HSP90AA1: variants seen among roughly 807,000 people sequenced by gnomAD.
HSP90AA1 encodes the protein heat shock protein HSP 90-alpha.
In HSP90AA1, 18 loss-of-function variants were observed where a neutral mutation model predicts 73.3. That is an observed-to-expected ratio of 0.25 (90% confidence interval 0.17 to 0.36). The LOEUF is 0.36. Among genes scored for constraint, HSP90AA1 ranks in the 10% least tolerant of loss-of-function variants. The pLI is 1.00. For missense variants in HSP90AA1, 704 were observed against 874.2 expected, an observed-to-expected ratio of 0.81 and a Z score of 2.45; for synonymous variants, 477 against 296.9, an observed-to-expected ratio of 1.61 and a Z score of -6.24.
Position 102,081,667 on chromosome 14 carries a change from G to C in HSP90AA1, c.*45C>G. The C allele has an allele frequency of 4.8e-6, 4 of 840,336 alleles. No individual in the cohort carries two copies. Among genetic ancestry groups the C allele is most frequent in the Non-Finnish European group, 8.5e-6 (4 of 473,036 alleles). 52.1% of individuals were successfully genotyped at this position (840,336 alleles called of 1,614,324 possible). A position where few individuals can be genotyped will look rare whatever the true frequency, so the allele number is the denominator to read the frequency against. On this transcript the variant is annotated 3_prime_UTR_variant, in exon 11 of 11. Coordinates refer to ENST00000216281, the MANE Select transcript of HSP90AA1 (RefSeq NM_005348.4). ...ACATCCTTGAAAATATATTATCAGA[G>C]GAATTGTAGAGTACTGAACAGGTAA... is the stretch of plus-strand genomic sequence containing the variant.
chr14:102,094,191 C>T (rs1046897388), intron 2 of HSP90AA1, among the ~76,000 whole-genome samples: 3 of 152,224 alleles, frequency 2.0e-5, no homozygotes, highest in Non-Finnish European at 4.4e-5. Flanking sequence ...CACATGCTGC[C>T]GCCGGGAAGC....
rs765663085 is a variant in HSP90AA1 at position 102,083,685 on chromosome 14, T to C, written c.1347A>G (p.Ile449Met). ...TCTTCCGATTTTGAGAGTCTTCGTG[T>C]ATTCCAAGCTGAAACAAAGTATGTT... ...EQFSKNIKLG[I>M]HEDSQNRKKL... The change falls in exon 8 of 11, where the codon ATA becomes ATG. Residue 449 changes from isoleucine (I) to methionine (M), a missense_variant. Ile to Met is a conservative substitution (Grantham distance 10, BLOSUM62 1). Coordinates refer to ENST00000216281, the MANE Select transcript of HSP90AA1 (RefSeq NM_005348.4). 3.1e-6 allele frequency: 5 copies of C among 1,612,504 alleles called. No homozygotes were observed. Among genetic ancestry groups the C allele is most frequent in the Non-Finnish European group, 3.4e-6 (4 of 1,179,526 alleles).
intron 2 of HSP90AA1, among the ~76,000 whole-genome samples, chr14:102,099,386 C>T (rs957772417): frequency 6.6e-6 from 1 of 152,070 alleles, no homozygotes; most frequent in Admixed American, 6.5e-5. Context: ...TGGAGAAACC[C>T]CATCTCTACT....
Position 102,084,657 on chromosome 14 carries a change from T to C in HSP90AA1, c.981+24A>G, listed in dbSNP as rs752302345. On this transcript the variant is annotated intron_variant, in intron 5 of 10. Coordinates refer to ENST00000216281, the MANE Select transcript of HSP90AA1 (RefSeq NM_005348.4). ...GAAAGATGATAATCTAAGGACAAGC[T>C]TGAAGCACCCATCAGTCACTCACCT... The C allele has an allele frequency of 2.5e-6, 4 of 1,613,932 alleles. No homozygotes were observed. In the African/African-American group the frequency reaches 5.3e-5, roughly 22 times the overall value.
At chr14:102,114,007 G>A (rs534818720) in intron 1 of HSP90AA1, among the ~76,000 whole-genome samples, 42 of 151,444 alleles carry the variant, frequency 2.8e-4, no homozygotes, top group African/African-American at 4.9e-4. Flanking sequence ...ACTGCACCCC[G>A]CCCCCATTTA....
intron 1 of HSP90AA1, among the ~76,000 whole-genome samples, chr14:102,108,043 T>TTGCTTGAGACCA (rs2049590669): frequency 1.3e-5 from 2 of 151,324 alleles, no homozygotes; most frequent in Admixed American, 1.3e-4. Context: ...AACACGAGCA[T>TTGCTTGAGACCA]TGCTTGAGAC....
At chr14:102,089,228 A>G (rs1201791833), upstream of HSP90AA1, among the ~76,000 whole-genome samples, 1 of 152,092 alleles carries the variant, frequency 6.6e-6, no homozygotes, top group Non-Finnish European at 1.5e-5. Flanking sequence ...GCCAGCTCTG[A>G]CATTCTTTGT....
chr14:102,081,033 C>T lies in HSP90AA1; in HGVS notation c.*679G>A, dbSNP rs1002401794. 4.4e-6 allele frequency: 1 copy of T among 227,528 alleles called. No individual in the cohort carries two copies. Among genetic ancestry groups the T allele is most frequent in the Non-Finnish European group, 8.7e-6 (1 of 114,492 alleles). 14.1% of individuals were successfully genotyped at this position (227,528 alleles called of 1,614,324 possible). On this transcript the variant is annotated 3_prime_UTR_variant, in exon 11 of 11. Coordinates refer to ENST00000216281, the MANE Select transcript of HSP90AA1 (RefSeq NM_005348.4). ...TACTCCCCTTTCCCCCTAAATAAGA[C>T]ACTGTCACACAATATCTTTTAACTC...
intron 1 of HSP90AA1, among the ~76,000 whole-genome samples, chr14:102,134,513 C>T (rs1190591): frequency 0.67 from 101,011 of 151,748 alleles, 37,009 homozygotes; most frequent in East Asian, 0.92. Context: ...CTTAAGGTGG[C>T]GCGTCTGGAG....
intron 1 of HSP90AA1, among the ~76,000 whole-genome samples, chr14:102,122,311 C>T (rs1212325498): frequency 4.1e-5 from 6 of 147,368 alleles, no homozygotes; most frequent in Non-Finnish European, 7.4e-5. Context: ...GACGGAGTCT[C>T]GCTCTGTCGC....
chr14:102,096,464 T>G (rs2049425997), intron 2 of HSP90AA1, among the ~76,000 whole-genome samples: 1 of 152,202 alleles, frequency 6.6e-6, no homozygotes, highest in African/African-American at 2.4e-5. Flanking sequence ...CGATCATCTC[T>G]TCATGCTGGG....
At chr14:102,098,615 C>T (rs1407174691) in intron 2 of HSP90AA1, among the ~76,000 whole-genome samples, 1 of 152,018 alleles carries the variant, frequency 6.6e-6, no homozygotes, top group African/African-American at 2.4e-5. Flanking sequence ...AGTCATGTGC[C>T]ACCACACCCC....
intron 1 of HSP90AA1, among the ~76,000 whole-genome samples, chr14:102,123,973 A>G (rs1258238564): frequency 6.6e-6 from 1 of 151,254 alleles, no homozygotes; most frequent in African/African-American, 2.4e-5. Context: ...GTTAATCTTT[A>G]AATTTTCTGA....
chr14:102,087,342 G>A, upstream of HSP90AA1, among the ~76,000 whole-genome samples: 1 of 151,018 alleles, frequency 6.6e-6, no homozygotes, highest in Non-Finnish European at 1.5e-5. Context: ...GAAGGTCCGG[G>A]CGCCTTCTGG....
chr14:102,138,457 TTAAGTA>T (rs1265944753), intron 1 of HSP90AA1, among the ~76,000 whole-genome samples: 1 of 152,138 alleles, frequency 6.6e-6, no homozygotes, highest in Non-Finnish European at 1.5e-5. Context: ...AGAAAAAATT[TTAAGTA>T]TTTTTCAGGC....
At chr14:102,086,502 A>G (rs1397759656) in intron 1 of HSP90AA1, 124 bp from the exon 2 acceptor site, 2 of 1,070,450 alleles carry the variant, frequency 1.9e-6, no homozygotes, top group East Asian at 4.7e-5. Flanking sequence ...AAGTAAACCG[A>G]AAATAGAAGG....
At chr14:102,130,539 A>G (rs530786314) in intron 1 of HSP90AA1, among the ~76,000 whole-genome samples, 46 of 152,130 alleles carry the variant, frequency 3.0e-4, no homozygotes, top group Non-Finnish European at 6.2e-4. Flanking sequence ...GATGGCTAAT[A>G]ATGTTGTGAA....
intron 1 of HSP90AA1, among the ~76,000 whole-genome samples, chr14:102,135,479 G>A (rs1317443357): frequency 6.6e-6 from 1 of 152,278 alleles, no homozygotes; most frequent in African/African-American, 2.4e-5. Flanking sequence ...GGCTGCAGGT[G>A]GAGCTGCCTG....
chr14:102,122,680 T>TA (rs2012204459), intron 1 of HSP90AA1, among the ~76,000 whole-genome samples: 2 of 151,852 alleles, frequency 1.3e-5, no homozygotes, highest in Admixed American at 1.3e-4. Context: ...TTTATATATA[T>TA]TTTTTGAGAC....
Sources: gnomAD v4.1 joint callset for allele counts (sites outside exome capture counted in the v4.1 genomes callset) on GRCh38, gnomAD v4.1.1 for gene constraint, MANE v1.5 for transcripts, NCBI Gene and HGNC (gene_info 2026-07-23, HGNC 2026-07-21) for gene names.